NT5C2: variants seen among roughly 807,000 people sequenced by gnomAD.
NT5C2 encodes the protein cytosolic purine 5'-nucleotidase.
In NT5C2, 58 loss-of-function variants were observed where a neutral mutation model predicts 76.1. That is an observed-to-expected ratio of 0.76 (90% CI 0.62 to 0.95). NT5C2 has a LOEUF of 0.95. Among genes scored for constraint, NT5C2 ranks in the 40% least tolerant of loss-of-function variants. NT5C2 has a pLI of 0.00. For missense variants in NT5C2, 478 were observed against 690.3 expected, an observed-to-expected ratio of 0.69 and a Z score of 3.45; for synonymous variants, 229 against 237.4, an observed-to-expected ratio of 0.96 and a Z score of 0.32.
At chr10:103,128,107 G>C (rs535638321) in intron 4 of NT5C2, among the ~76,000 whole-genome samples, 2 of 141,004 alleles carry the variant, frequency 1.4e-5, no homozygotes, top group African/African-American at 5.2e-5. Context: ...CTCTCCCCAC[G>C]GTCTCCCTCT....
intron 18 of NT5C2, 92 bp from the exon 19 acceptor site, chr10:103,090,000 G>GC (rs1273773376): frequency 1.0e-6 from 1 of 958,394 alleles, no homozygotes; most frequent in Non-Finnish European, 1.5e-6. Context: ...AGGTGGCCAT[G>GC]CAATTACATC....
intron 3 of NT5C2, among the ~76,000 whole-genome samples, chr10:103,162,283 G>A (rs1263216335): frequency 6.6e-6 from 1 of 151,948 alleles, no homozygotes; most frequent in East Asian, 1.9e-4. Context: ...CAAAGTCCTA[G>A]GATTATAGGC....
intron 4 of NT5C2, among the ~76,000 whole-genome samples, chr10:103,132,785 TG>T: frequency 6.6e-6 from 1 of 152,022 alleles, no homozygotes; most frequent in East Asian, 1.9e-4. Context: ...CTCCTGACCT[TG>T]TGATCTGCCT....
At chr10:103,121,922 C>T (rs2075744287) in intron 4 of NT5C2, among the ~76,000 whole-genome samples, 1 of 152,040 alleles carries the variant, frequency 6.6e-6, no homozygotes, top group African/African-American at 2.4e-5. Context: ...GCCTGTAATC[C>T]CAGCATTTTA....
At position 103,175,001 on chromosome 10, in the gene NT5C2, A is replaced by G. The variant is rs762836511; in HGVS notation, c.-24-19T>C. ...TTGTATTCTAGAAAAGAAAATCATT[A>G]ATTTAGTAACTTAATATTGGCATCT... On this transcript the variant is annotated intron_variant, in intron 2 of 18. Transcript: ENST00000404739. 34 of 1,371,258 alleles carry G rather than the reference A, an allele frequency of 2.5e-5. No individual in the cohort carries two copies. Among genetic ancestry groups the G allele is most frequent in the Non-Finnish European group, 3.1e-5 (30 of 962,766 alleles). The allele number at this position is 1,371,258 out of a possible 1,614,324, so 84.9% of individuals were successfully genotyped here. A position where few individuals can be genotyped will look rare whatever the true frequency, so the allele number is the denominator to read the frequency against.
intron 1 of NT5C2, among the ~76,000 whole-genome samples, chr10:103,187,477 G>A (rs991392432): frequency 2.0e-5 from 3 of 151,166 alleles, no homozygotes; most frequent in Non-Finnish European, 4.4e-5. Flanking sequence ...GCTTGAACCC[G>A]GGAGGCAGAG....
chr10:103,090,373 T>G (rs1428687012), intron 18 of NT5C2, among the ~76,000 whole-genome samples: 3 of 152,158 alleles, frequency 2.0e-5, no homozygotes, highest in Non-Finnish European at 4.4e-5. Flanking sequence ...TGAGCCACCA[T>G]GCCTGGCCCA....
intron 9 of NT5C2, among the ~76,000 whole-genome samples, chr10:103,099,686 T>C (rs1174440528): frequency 6.6e-6 from 1 of 151,902 alleles, no homozygotes; most frequent in Non-Finnish European, 1.5e-5. Context: ...TCTTCTAAGT[T>C]TGAGAAATGC....
At chr10:103,111,816 A>AG (rs1194379484) in intron 4 of NT5C2, 6 of 1,230,186 alleles carry the variant, frequency 4.9e-6, no homozygotes, top group Non-Finnish European at 6.1e-6. Context: ...CTGTTAAAAA[A>AG]CAAAAAGCAA....
intron 4 of NT5C2, among the ~76,000 whole-genome samples, chr10:103,131,260 G>GT (rs1437208977): frequency 1.3e-5 from 2 of 152,132 alleles, no homozygotes; most frequent in Non-Finnish European, 2.9e-5. Context: ...ATGCTGTAAG[G>GT]TAATTATATA....
chr10:103,185,510 T>A (rs1320615486), intron 1 of NT5C2, among the ~76,000 whole-genome samples: 1 of 151,776 alleles, frequency 6.6e-6, no homozygotes. Flanking sequence ...TAGACAGGCA[T>A]GGTGACGGGT....
At position 103,089,530 on chromosome 10, in the gene NT5C2, T is replaced by TA. The variant is rs1161232638; in HGVS notation, c.*141dup. 2.2e-6 allele frequency: 3 copies of TA among 1,394,182 alleles called. No individual in the cohort carries two copies. In the African/African-American group the frequency reaches 4.4e-5, roughly 20 times the overall value. The allele number at this position is 1,394,182 out of a possible 1,614,324, so 86.4% of individuals were successfully genotyped here. A position where few individuals can be genotyped will look rare whatever the true frequency, so the allele number is the denominator to read the frequency against. ...AAACCAAAACAAGTATCTATGATAA[T>TA]AAAATCTTCAGAAACTTTTCAGACG... is the stretch of plus-strand genomic sequence containing the variant. On this transcript the variant is annotated 3_prime_UTR_variant, in exon 19 of 19. Transcript: ENST00000404739.
chr10:103,125,675 A>C (rs541831474), intron 4 of NT5C2, among the ~76,000 whole-genome samples: 85 of 152,344 alleles, frequency 5.6e-4, no homozygotes, highest in African/African-American at 1.9e-3. Flanking sequence ...ACTAAGTAAC[A>C]ATACTAATGG....
intron 12 of NT5C2, among the ~76,000 whole-genome samples, chr10:103,095,300 C>CATT (rs951065428): frequency 1.1e-4 from 16 of 152,156 alleles, no homozygotes; most frequent in African/African-American, 3.4e-4. Context: ...GGAACCCTGG[C>CATT]ATTAACCTTT....
chr10:103,174,778 T>G lies in NT5C2; in HGVS notation c.101+80A>C, dbSNP rs1340821473. 6 of 929,156 alleles carry G rather than the reference T, an allele frequency of 6.5e-6. No homozygotes were observed. The East Asian group carries it at 1.2e-4, about 19-fold the overall frequency. 57.6% of individuals were successfully genotyped at this position (929,156 alleles called of 1,614,324 possible). ...ATCTGGGTTATTTACTTAACCTCTC[T>G]GTACATTAATTTCATCATCTGTAAA... On this transcript the variant is annotated intron_variant, in intron 3 of 18. Transcript: ENST00000404739.
chr10:103,092,201 A>C (rs2067106902), intron 15 of NT5C2, among the ~76,000 whole-genome samples: 2 of 152,202 alleles, frequency 1.3e-5, no homozygotes, highest in Non-Finnish European at 2.9e-5. Context: ...TCCTTCATCT[A>C]CTGTATGTAA....
At chr10:103,101,369 T>C (rs1319118417) in intron 6 of NT5C2, 43 bp from the exon 7 acceptor site, 1 of 1,089,990 alleles carries the variant, frequency 9.2e-7, no homozygotes, top group Non-Finnish European at 1.4e-6. Context: ...TAAAATAACA[T>C]TATAATAATT....
chr10:103,158,946 T>C (rs1166671231), intron 3 of NT5C2, among the ~76,000 whole-genome samples: 1 of 151,700 alleles, frequency 6.6e-6, no homozygotes, highest in African/African-American at 2.4e-5. Flanking sequence ...CAGACAAAAG[T>C]AGTACAAGAC....
chr10:103,157,435 G>C (rs2083665585), intron 3 of NT5C2, among the ~76,000 whole-genome samples: 1 of 152,280 alleles, frequency 6.6e-6, no homozygotes, highest in Admixed American at 6.5e-5. Flanking sequence ...AGGAGCCAGG[G>C]CTTTCACTGT....
Sources: gnomAD v4.1 joint callset for allele counts (sites outside exome capture counted in the v4.1 genomes callset) on GRCh38, gnomAD v4.1.1 for gene constraint, MANE v1.5 for transcripts, NCBI Gene and HGNC (gene_info 2026-07-23, HGNC 2026-07-21) for gene names.